Variants in AFF3 observed in about 807,000 individuals in gnomAD.
AFF3 encodes ALF transcription elongation factor 3, also known as AF4/FMR2 family member 3.
A neutral mutation model predicts 129.7 loss-of-function variants in AFF3; 32 were observed. That is an observed-to-expected ratio of 0.25 (90% CI 0.19 to 0.33). AFF3 has a LOEUF of 0.33. Among genes scored for constraint, AFF3 ranks in the 10% least tolerant of loss-of-function variants. The pLI, the probability that AFF3 is intolerant of heterozygous loss-of-function variation, is 1.00. For synonymous variants in AFF3, 644 were observed against 635.4 expected (o/e 1.01, Z -0.20); for missense variants, 1,373 against 1,592.0 (o/e 0.86, Z 2.34).
intron 7 of AFF3, among the ~76,000 whole-genome samples, chr2:99,893,637 A>G (rs1197063688): frequency 6.6e-6 from 1 of 152,228 alleles, no homozygotes; most frequent in Non-Finnish European, 1.5e-5. Context: ...ATTCGGGGAA[A>G]ATAAGTTCCC....
At chr2:99,984,530 G>A (rs1679687400) in intron 7 of AFF3, among the ~76,000 whole-genome samples, 1 of 152,022 alleles carries the variant, frequency 6.6e-6, no homozygotes, top group Admixed American at 6.6e-5. Context: ...GCTTTGTTTG[G>A]GTAACCTATA....
chr2:99,730,841 A>G (rs541444203), intron 10 of AFF3, among the ~76,000 whole-genome samples: 1 of 152,284 alleles, frequency 6.6e-6, no homozygotes, highest in East Asian at 1.9e-4. Context: ...ACACAGTTAT[A>G]TCAAAAGCAA....
intron 8 of AFF3, among the ~76,000 whole-genome samples, chr2:99,788,881 A>G (rs975380828): frequency 2.6e-5 from 4 of 152,272 alleles, no homozygotes; most frequent in African/African-American, 7.2e-5. Flanking sequence ...CTGTGTTTAG[A>G]TACATATATA....
chr2:100,011,914 A>C (rs961664722), intron 4 of AFF3, among the ~76,000 whole-genome samples: 5 of 152,164 alleles, frequency 3.3e-5, no homozygotes, highest in African/African-American at 1.2e-4. Flanking sequence ...AAAATGTTGG[A>C]GGTGAGAGAA....
chr2:99,623,967 G>T (rs1159749328), intron 13 of AFF3, among the ~76,000 whole-genome samples: 4 of 152,322 alleles, frequency 2.6e-5, no homozygotes, highest in Admixed American at 6.5e-5. Flanking sequence ...CAAAGATAAA[G>T]TTATTAAGGA....
At chr2:99,972,272 C>T (rs1678461322) in intron 7 of AFF3, among the ~76,000 whole-genome samples, 1 of 152,174 alleles carries the variant, frequency 6.6e-6, no homozygotes, top group African/African-American at 2.4e-5. Flanking sequence ...TCTCAGAGGT[C>T]ACAGGAAGAC....
chr2:100,077,060 C>A (rs531426388), intron 4 of AFF3, among the ~76,000 whole-genome samples: 78 of 152,140 alleles, frequency 5.1e-4, no homozygotes, highest in African/African-American at 1.9e-3. Context: ...ACCAGCCTGG[C>A]GAACACAGTG....
At chr2:99,783,829 C>G (rs2105395301) in intron 8 of AFF3, among the ~76,000 whole-genome samples, 1 of 152,294 alleles carries the variant, frequency 6.6e-6, no homozygotes, top group African/African-American at 2.4e-5. Context: ...CAGGGCCCCC[C>G]TGGAAAGGGA....
chr2:99,567,639 G>T (rs1484709684), intron 19 of AFF3, among the ~76,000 whole-genome samples: 1 of 152,142 alleles, frequency 6.6e-6, no homozygotes, highest in African/African-American at 2.4e-5. Context: ...GGGTGTGAGT[G>T]TGCCCATGAG....
intron 7 of AFF3, among the ~76,000 whole-genome samples, chr2:99,985,830 G>C (rs1679806488): frequency 6.6e-6 from 1 of 152,076 alleles, no homozygotes; most frequent in East Asian, 1.9e-4. Flanking sequence ...GGTGTGTGCA[G>C]TTTGTAAAAA....
At chr2:99,633,540 A>G (rs1287086392) in intron 13 of AFF3, among the ~76,000 whole-genome samples, 2 of 152,180 alleles carry the variant, frequency 1.3e-5, no homozygotes, top group South Asian at 2.1e-4. Flanking sequence ...CTGTCCCCCA[A>G]CAAAACCAGC....
At chr2:99,928,021 C>T (rs1696394832) in intron 7 of AFF3, among the ~76,000 whole-genome samples, 3 of 152,238 alleles carry the variant, frequency 2.0e-5, no homozygotes, top group South Asian at 2.1e-4. Context: ...CACAAGCTCT[C>T]TCTCTGCCTG....
chr2:99,863,867 T>C (rs1174604331), intron 7 of AFF3, among the ~76,000 whole-genome samples: 2 of 152,180 alleles, frequency 1.3e-5, no homozygotes, highest in Admixed American at 6.6e-5. Flanking sequence ...TCTTTCACAA[T>C]GGTGGAGCAA....
intron 7 of AFF3, among the ~76,000 whole-genome samples, chr2:99,847,019 A>G (rs1322277253): frequency 6.6e-6 from 1 of 152,200 alleles, no homozygotes; most frequent in East Asian, 1.9e-4. Flanking sequence ...ACAGGAGAGA[A>G]GGCTTATCTG....
chr2:100,082,991 A>G (rs939965142), intron 4 of AFF3, among the ~76,000 whole-genome samples: 18 of 152,176 alleles, frequency 1.2e-4, no homozygotes, highest in African/African-American at 4.3e-4. Context: ...AAGGCAGGAG[A>G]ATCACTTGAA....
chr2:99,560,526 G>A, intron 20 of AFF3, 90 bp from the exon 21 acceptor site: 2 of 1,204,388 alleles, frequency 1.7e-6, no homozygotes, highest in East Asian at 2.3e-5. Flanking sequence ...GAACTTCTAT[G>A]ATGGTAGTTC....
chr2:99,601,737 A>G (rs1679861943), intron 13 of AFF3, 116 bp from the exon 14 acceptor site: 1 of 1,242,480 alleles, frequency 8.0e-7, no homozygotes, highest in African/African-American at 1.5e-5. Flanking sequence ...CAGCCTACAC[A>G]TCTGTCAACC....
At chr2:99,777,560 G>A (rs1297581374) in intron 8 of AFF3, among the ~76,000 whole-genome samples, 3 of 152,110 alleles carry the variant, frequency 2.0e-5, no homozygotes, top group Non-Finnish European at 4.4e-5. Flanking sequence ...GTCCTTAGTT[G>A]GGTTGGGTTA....
chr2:100,036,161 C>A (rs67118597), intron 4 of AFF3, among the ~76,000 whole-genome samples: 1,954 of 53,510 alleles, frequency 0.037, 28 homozygotes, highest in Non-Finnish European at 0.047. Flanking sequence ...AAAAAAAAAA[C>A]AACTTTCTCA....
Sources: gnomAD v4.1 joint callset for allele counts (sites outside exome capture counted in the v4.1 genomes callset) on GRCh38, gnomAD v4.1.1 for gene constraint, MANE v1.5 for transcripts, NCBI Gene and HGNC (gene_info 2026-07-23, HGNC 2026-07-21) for gene names.